RBFOX1: variants seen among roughly 807,000 people sequenced by gnomAD.
RBFOX1 encodes RNA binding fox-1 homolog 1, also known as RNA binding protein fox-1 homolog 1.
In RBFOX1, 8 loss-of-function variants were observed where a neutral mutation model predicts 57.7. The observed-to-expected ratio is 0.14, with a 90% CI of 0.08 to 0.25. The LOEUF (loss-of-function observed/expected upper bound fraction) is 0.25, where lower values mean the gene tolerates loss of function less well. RBFOX1 is among the 10% of genes least tolerant of loss of function. The pLI is 1.00. For missense variants in RBFOX1, 611 were observed against 548.5 expected (o/e 1.11, Z -1.14); for synonymous variants, 326 against 222.4 (o/e 1.47, Z -4.15).
intron 3 of RBFOX1, among the ~76,000 whole-genome samples, chr16:6,847,437 T>A (rs1263868112): frequency 1.3e-5 from 2 of 152,004 alleles, no homozygotes; most frequent in East Asian, 2.0e-4. Flanking sequence ...TGGTGCTCTG[T>A]CATCATCTTC....
intron 2 of RBFOX1, among the ~76,000 whole-genome samples, chr16:6,603,909 C>G (rs1324912840): frequency 1.3e-5 from 2 of 152,026 alleles, no homozygotes; most frequent in Non-Finnish European, 2.9e-5. Flanking sequence ...TGATGTGTCT[C>G]AGCTCTGGGG....
At chr16:6,451,715 C>G (rs2094628220) in intron 2 of RBFOX1, among the ~76,000 whole-genome samples, 1 of 152,202 alleles carries the variant, frequency 6.6e-6, no homozygotes, top group African/African-American at 2.4e-5. Flanking sequence ...TCCTGTGTTT[C>G]TTGGCTCACA....
chr16:5,704,368 A>G (rs1365766376), intron 3 of RBFOX1, among the ~76,000 whole-genome samples: 1 of 152,030 alleles, frequency 6.6e-6, no homozygotes, highest in Non-Finnish European at 1.5e-5. Flanking sequence ...AGAGTAGCAC[A>G]CAGAGGGGCC....
intron 3 of RBFOX1, among the ~76,000 whole-genome samples, chr16:6,846,980 C>T (rs1460363231): frequency 1.3e-5 from 2 of 151,890 alleles, no homozygotes; most frequent in African/African-American, 4.8e-5. Context: ...AAGTGATTTC[C>T]TTCTTTCTGT....
intron 4 of RBFOX1, among the ~76,000 whole-genome samples, chr16:7,384,198 TATATATGAAAC>T: frequency 6.6e-6 from 1 of 151,656 alleles, no homozygotes; most frequent in Admixed American, 6.6e-5. Flanking sequence ...ATATATGAAA[TATATATGAAAC>T]ATATATGAAA....
At chr16:5,913,165 A>C (rs1033953166) in intron 4 of RBFOX1, among the ~76,000 whole-genome samples, 1 of 152,214 alleles carries the variant, frequency 6.6e-6, no homozygotes, top group African/African-American at 2.4e-5. Flanking sequence ...TAAGGATAGC[A>C]GGTTGACCTG....
intron 3 of RBFOX1, among the ~76,000 whole-genome samples, chr16:5,857,081 C>A (rs763147203): frequency 2.0e-5 from 3 of 152,156 alleles, no homozygotes; most frequent in Admixed American, 6.5e-5. Context: ...ACATGTGACT[C>A]TTTCTTTCAC....
intron 2 of RBFOX1, among the ~76,000 whole-genome samples, chr16:6,633,945 G>C (rs1026880769): frequency 2.6e-5 from 4 of 152,094 alleles, no homozygotes; most frequent in Admixed American, 6.5e-5. Flanking sequence ...AGGCCAGGGG[G>C]TGGAGGCTAC....
chr16:7,385,135 C>G (rs548010521), intron 4 of RBFOX1, among the ~76,000 whole-genome samples: 1 of 152,310 alleles, frequency 6.6e-6, no homozygotes, highest in East Asian at 1.9e-4. Context: ...TGGGCAAAGG[C>G]CAGGTCATAC....
At chr16:6,665,602 G>A (rs2098727202) in intron 3 of RBFOX1, among the ~76,000 whole-genome samples, 1 of 148,136 alleles carries the variant, frequency 6.8e-6, no homozygotes, top group Non-Finnish European at 1.5e-5. Context: ...TCCAGTCTGG[G>A]TAACAAGAGT....
At chr16:7,311,960 C>T (rs779458788) in intron 4 of RBFOX1, among the ~76,000 whole-genome samples, 1 of 152,120 alleles carries the variant, frequency 6.6e-6, no homozygotes, top group African/African-American at 2.4e-5. Flanking sequence ...TTAATTGCTC[C>T]TTCAGAAAAA....
intron 4 of RBFOX1, among the ~76,000 whole-genome samples, chr16:7,491,635 T>C (rs1468465807): frequency 1.3e-5 from 2 of 152,030 alleles, no homozygotes; most frequent in East Asian, 1.9e-4. Flanking sequence ...CTCTTTATTT[T>C]ATCTATTTTA....
intron 1 of RBFOX1, among the ~76,000 whole-genome samples, chr16:6,215,143 AAGG>A (rs1347151155): frequency 8.6e-6 from 1 of 115,744 alleles, no homozygotes; most frequent in African/African-American, 3.4e-5. Context: ...AGAAGAGAAG[AAGG>A]AGAGGGAGAG....
upstream of RBFOX1, among the ~76,000 whole-genome samples, chr16:6,015,770 A>G (rs570036242): frequency 6.6e-6 from 1 of 152,272 alleles, no homozygotes; most frequent in African/African-American, 2.4e-5. Context: ...GCTTTGCCTG[A>G]CCTTCTGCCC....
At chr16:5,628,940 T>A (rs888773328) in intron 3 of RBFOX1, among the ~76,000 whole-genome samples, 1 of 152,196 alleles carries the variant, frequency 6.6e-6, no homozygotes, top group African/African-American at 2.4e-5. Context: ...TAGCTTTGTG[T>A]GGATAGCAAG....
chr16:6,685,181 TACTA>T (rs912059671), intron 3 of RBFOX1, among the ~76,000 whole-genome samples: 7 of 152,072 alleles, frequency 4.6e-5, no homozygotes, highest in African/African-American at 1.7e-4. Flanking sequence ...CTGCTGTACT[TACTA>T]ACCAAAAATA....
chr16:7,249,832 A>G (rs762928878), intron 4 of RBFOX1, among the ~76,000 whole-genome samples: 23 of 152,194 alleles, frequency 1.5e-4, no homozygotes, highest in Non-Finnish European at 3.2e-4. Context: ...ACAAGTGGAA[A>G]TACTTGAATA....
chr16:6,600,315 C>A (rs1263510378), intron 2 of RBFOX1, among the ~76,000 whole-genome samples: 1 of 152,170 alleles, frequency 6.6e-6, no homozygotes, highest in African/African-American at 2.4e-5. Flanking sequence ...TTCCCTCCTG[C>A]CCAGCATTGA....
intron 4 of RBFOX1, among the ~76,000 whole-genome samples, chr16:7,073,699 A>AAG (rs201162139): frequency 1.3e-5 from 2 of 151,836 alleles, no homozygotes; most frequent in African/African-American, 4.8e-5. Context: ...AAAAAAAAAT[A>AAG]TATACAAAAA....
Sources: allele counts gnomAD v4.1 joint callset (sites outside exome capture counted in the v4.1 genomes callset), GRCh38; gene constraint gnomAD v4.1.1; transcripts MANE v1.5; gene names NCBI Gene and HGNC (gene_info 2026-07-23, HGNC 2026-07-21).